SEMA3F: variants seen among roughly 807,000 people sequenced by gnomAD.
The protein encoded by SEMA3F is semaphorin-3F.
A neutral mutation model predicts 98.5 loss-of-function variants in SEMA3F; 30 were observed. That is an observed-to-expected ratio of 0.30 (90% CI 0.23 to 0.41). The LOEUF is 0.41. Ranked by LOEUF, SEMA3F falls within the 10% of genes least tolerant of loss-of-function variation. The pLI is 1.00. For synonymous variants in SEMA3F, 380 were observed against 444.8 expected, an observed-to-expected ratio of 0.85 and a Z score of 1.83; for missense variants, 866 against 1,119.3, an observed-to-expected ratio of 0.77 and a Z score of 3.23.
At position 50,158,524 on chromosome 3, in the gene SEMA3F, A is replaced by G. The variant is rs944795158; in HGVS notation, c.-48-1051A>G. Among the ~76,000 whole-genome samples the G allele has an allele frequency of 3.3e-5, 5 of 152,210 alleles. No homozygotes were observed. The highest frequency in any genetic ancestry group is 1.3e-4 in the Admixed American group (2 of 15,280). On this transcript the variant is annotated intron_variant, in intron 1 of 18. Transcript: ENST00000002829. This position sits in a 1 kb window ranked among gnomAD's most constrained non-coding sequence, Gnocchi z 4.8. Reference sequence around the variant, plus strand: ...AGCTATGGCAGGGGAGTCCCAGGCCATAGTACTGCCAACTCCCATCCCAGC... The same window carrying G: ...AGCTATGGCAGGGGAGTCCCAGGCCGTAGTACTGCCAACTCCCATCCCAGC...
rs754197451 is a variant in SEMA3F at position 50,175,188 on chromosome 3, G to C, written c.549G>C (p.Gln183His). 1.9e-6 allele frequency: 3 copies of C among 1,584,972 alleles called. No individual in the cohort carries two copies. Among genetic ancestry groups the C allele is most frequent in the East Asian group, 4.6e-5 (2 of 43,702 alleles). Residue 183 changes from glutamine (Q) to histidine (H), a missense_variant and splice_region_variant, in exon 6 of 19, where the codon CAG (glutamine) becomes CAC (histidine). Gln to His is a conservative substitution (Grantham distance 24). Coordinates refer to ENST00000002829, the MANE Select transcript of SEMA3F (RefSeq NM_004186.5). ...ALRPMPTAPR[Q>H]DYIFYLEPER... Reference sequence around the variant, plus strand: ...GCCCGATGCCCACAGCCCCACGCCAGGTGGGCCTCATCCCTCCAGGCCTTT... The same window carrying C: ...GCCCGATGCCCACAGCCCCACGCCACGTGGGCCTCATCCCTCCAGGCCTTT...
Position 50,185,430 on chromosome 3 carries a change from C to G in SEMA3F, c.1457-13C>G. On this transcript the variant is annotated splice_polypyrimidine_tract_variant and intron_variant, in intron 13 of 18. Coordinates refer to ENST00000002829, the MANE Select transcript of SEMA3F (RefSeq NM_004186.5). ...TCCCCAGCCCCACTGAGGCCCTGCC[C>G]GGCCCGTTCCAGACCGCGGGACAGT... is the stretch of plus-strand genomic sequence containing the variant. The G allele has an allele frequency of 6.2e-7, 1 of 1,609,666 alleles. No individual in the cohort carries two copies. Among genetic ancestry groups the G allele is most frequent in the Non-Finnish European group, 8.5e-7 (1 of 1,178,062 alleles).
chr3:50,156,734 G>A lies in SEMA3F; in HGVS notation c.-49+1170G>A, dbSNP rs914599479. On this transcript the variant is annotated intron_variant, in intron 1 of 18. Transcript: ENST00000002829. This position sits in a 1 kb window ranked among gnomAD's most constrained non-coding sequence, Gnocchi z 4.5. ...CTCCTGCTGCTCCCCCTTCAGCTCC[G>A]AAGGAGCCAGGCCCGGAAGTGGGGA... Among the ~76,000 whole-genome samples the A allele has an allele frequency of 6.6e-6, 1 of 152,188 alleles. No individual in the cohort carries two copies. Among genetic ancestry groups the A allele is most frequent in the African/African-American group, 2.4e-5 (1 of 41,442 alleles).
At position 50,182,981 on chromosome 3, in the gene SEMA3F, G is replaced by C. The variant is rs772034460; in HGVS notation, c.981G>C (p.Pro327=). 1.9e-6 allele frequency: 3 copies of C among 1,613,856 alleles called. No homozygotes were observed. Among genetic ancestry groups the C allele is most frequent in the Non-Finnish European group, 2.5e-6 (3 of 1,180,022 alleles). ...AGGCGCGGCTCGTCTGCTCTGTCCC[G>C]GGCGAGGATGGCATTGAGACTCACT... ...FLKARLVCSV[P]GEDGIETHFD... Residue 327 remains proline, a synonymous_variant, in exon 10 of 19, where the codon CCG becomes CCC. Transcript: ENST00000002829. This position sits in a 1 kb window ranked among gnomAD's most constrained non-coding sequence, Gnocchi z 4.5.
rs1699078371 is a variant in SEMA3F, at chr3:50,183,130, G to A, written c.1019-56G>A. The A allele has an allele frequency of 5.7e-6, 9 of 1,589,808 alleles. No homozygotes were observed. The South Asian group carries it at 7.7e-5, about 14-fold the overall frequency. On this transcript the variant is annotated intron_variant, in intron 10 of 18. Coordinates refer to ENST00000002829, the MANE Select transcript of SEMA3F (RefSeq NM_004186.5). ...CCCCTCCCCTGTGCAGGAGTGGGTG[G>A]GGCCCAGGGGCTCCCGCCCATGGCA...
chr3:50,182,799 G>C lies in SEMA3F; in HGVS notation c.903+16G>C. On this transcript the variant is annotated intron_variant, in intron 9 of 18. Transcript: ENST00000002829. The surrounding 1 kb of genome is among the most constrained non-coding windows in gnomAD (Gnocchi z 4.5). ...CATTTGCCTGGTATGCATTGGCAGA[G>C]CCACCAGGCTGCCCCTTCCACCAGT... 1 of 1,611,800 alleles carries C rather than the reference G, an allele frequency of 6.2e-7. No homozygotes were observed. Among genetic ancestry groups the C allele is most frequent in the Non-Finnish European group, 8.5e-7 (1 of 1,179,274 alleles).
At chr3:50,172,955 C>A (rs1048729193) in intron 2 of SEMA3F, among the ~76,000 whole-genome samples, 1 of 152,206 alleles carries the variant, frequency 6.6e-6, no homozygotes, top group African/African-American at 2.4e-5. Context: ...GAGCATTAAC[C>A]CCCACCTGAG....
At chr3:50,186,117 A>G in intron 16 of SEMA3F, 71 bp downstream of exon 16, 4 of 1,511,478 alleles carry the variant, frequency 2.6e-6, no homozygotes, top group Non-Finnish European at 3.6e-6. Flanking sequence ...TTGGGGGTGC[A>G]TGTGATATTA....
chr3:50,178,823 C>CT (rs1698913088), intron 7 of SEMA3F, among the ~76,000 whole-genome samples: 2 of 128,396 alleles, frequency 1.6e-5, no homozygotes, highest in Admixed American at 8.7e-5. Context: ...TTGCAAAATT[C>CT]TTTTTCTTTT....
At position 50,174,090 on chromosome 3, in the gene SEMA3F, C is replaced by T. The variant is rs139093472; in HGVS notation, c.312C>T (p.Cys104=). The T allele has an allele frequency of 2.4e-5, 38 of 1,614,016 alleles. No homozygotes were observed. The highest frequency in any genetic ancestry group is 9.3e-5 in the African/African-American group (7 of 74,938). The stretch of plus-strand genomic sequence containing the variant: ...CCTCCCCACAGCGCATCGAGGAATG[C>T]GTGCTCTCAGGCAAGGATGTCAACG... ...WAASPQRIEE[C]VLSGKDVNGE... is the part of the protein sequence containing the mutation. Residue 104 remains cysteine (C), a synonymous_variant, in exon 4 of 19, where the codon TGC becomes TGT. Transcript: ENST00000002829.
At chr3:50,162,429 G>A (rs985567141) in intron 2 of SEMA3F, among the ~76,000 whole-genome samples, 12 of 152,230 alleles carry the variant, frequency 7.9e-5, no homozygotes, top group Admixed American at 2.0e-4. Flanking sequence ...GGGTCAAATG[G>A]AGATTTCCAG....
intron 2 of SEMA3F, among the ~76,000 whole-genome samples, chr3:50,162,912 A>C (rs1424437813): frequency 1.3e-5 from 2 of 152,156 alleles, no homozygotes; most frequent in Non-Finnish European, 2.9e-5. Flanking sequence ...ACATAATCGA[A>C]ATAGTAGTAG....
intron 2 of SEMA3F, among the ~76,000 whole-genome samples, chr3:50,170,102 C>T (rs1238989993): frequency 6.6e-6 from 1 of 152,130 alleles, no homozygotes; most frequent in African/African-American, 2.4e-5. Flanking sequence ...TCACAGGGCT[C>T]CTTGTTTCCC....
intron 7 of SEMA3F, among the ~76,000 whole-genome samples, chr3:50,178,258 C>T (rs957492437): frequency 6.6e-6 from 1 of 151,650 alleles, no homozygotes; most frequent in Non-Finnish European, 1.5e-5. Flanking sequence ...AAAGAAAAGA[C>T]TTGAAAATTG....
chr3:50,169,502 C>G (rs540246502), intron 2 of SEMA3F, among the ~76,000 whole-genome samples: 53 of 152,288 alleles, frequency 3.5e-4, no homozygotes, highest in Non-Finnish European at 6.2e-4. Flanking sequence ...CGGATGTCAC[C>G]CCTCCCAACC....
intron 14 of SEMA3F, 47 bp downstream of exon 14, chr3:50,185,578 C>T (rs1174422533): frequency 2.5e-6 from 4 of 1,612,020 alleles, no homozygotes; most frequent in Non-Finnish European, 3.4e-6. Context: ...TTTACCCTCC[C>T]CCCAGTCCCA....
intron 2 of SEMA3F, 98 bp downstream of exon 2, chr3:50,159,832 C>T (rs1698137518): frequency 1.2e-6 from 1 of 814,138 alleles, no homozygotes; most frequent in Non-Finnish European, 2.0e-6. Flanking sequence ...AGGACAAAAC[C>T]AGGACAAATT....
Position 50,186,720 on chromosome 3 carries a change from C to G in SEMA3F, c.1921C>G (p.Arg641Gly), listed in dbSNP as rs1217522684. 1.2e-6 allele frequency: 2 copies of G among 1,607,018 alleles called. No homozygotes were observed. The highest frequency in any genetic ancestry group is 1.7e-6 in the Non-Finnish European group (2 of 1,174,466). ...AGCCACTGTTAAGTGGCTGTTCCAGCGAGATCCTGGTGACCGGCGCCGAGA... is the reference window on the plus strand; with the variant it reads ...AGCCACTGTTAAGTGGCTGTTCCAGGGAGATCCTGGTGACCGGCGCCGAGA... ...PQATVKWLFQRDPGDRRREIR... is the reference protein window; with the variant it reads ...PQATVKWLFQGDPGDRRREIR... The change falls in exon 18 of 19, where the codon CGA becomes GGA. Residue 641 changes from arginine to glycine, a missense_variant. Arg to Gly is a moderately radical substitution (Grantham distance 125). Around this residue, in one of 3 missense-constraint regions of SEMA3F, gnomAD observed 245 missense variants for 260.5 expected, o/e 0.94. Transcript: ENST00000002829.
intron 12 of SEMA3F, 64 bp downstream of exon 12, chr3:50,183,628 T>A: frequency 6.4e-7 from 1 of 1,558,906 alleles, no homozygotes; most frequent in South Asian, 1.2e-5. Context: ...TGGGTCAGGC[T>A]CTTTGCAACA....
Sources: allele counts gnomAD v4.1 joint callset (sites outside exome capture counted in the v4.1 genomes callset), GRCh38; gene constraint gnomAD v4.1.1; regional missense constraint gnomAD v4.1.1; non-coding constraint Gnocchi (gnomAD v3.1); transcripts MANE v1.5; gene names NCBI Gene and HGNC (gene_info 2026-07-23, HGNC 2026-07-21).